The following NANS variants were observed in gnomAD, a reference collection of about 807,000 sequenced individuals.
NANS encodes N-acetylneuraminate synthase, also known as N-acetylneuraminate-9-phosphate synthase.
NANS carries 29 observed loss-of-function variants against 33.3 expected under a neutral mutation model. That is an observed-to-expected ratio of 0.87 (90% CI 0.65 to 1.19). The LOEUF is 1.19. Ranked by LOEUF, NANS falls within the 50% of genes most tolerant of loss-of-function variation. The pLI is 0.00. For synonymous variants in NANS, 163 were observed against 177.2 expected (o/e 0.92, Z 0.64); for missense variants, 394 against 461.1 (o/e 0.85, Z 1.33).
rs549193701 is a variant in NANS, at chr9:98,056,995, G to T, written c.132+55G>T. 2.0e-6 allele frequency: 3 copies of T among 1,501,664 alleles called. No individual in the cohort carries two copies. In the East Asian group the frequency reaches 7.5e-5, roughly 38 times the overall value. 93.0% of individuals were successfully genotyped at this position (1,501,664 alleles called of 1,614,324 possible). A position where few individuals can be genotyped will look rare whatever the true frequency, so the allele number is the denominator to read the frequency against. ...TCGGGCGCCGGGAGGGGCGGGGCGG[G>T]GCCGCGGGGAGCCAGGGCCACACGG... On this transcript the variant is annotated intron_variant, in intron 1 of 5. Coordinates refer to ENST00000210444, the MANE Select transcript of NANS (RefSeq NM_018946.4).
At chr9:98,070,266 T>C (rs138376947) in intron 2 of NANS, among the ~76,000 whole-genome samples, 58 of 152,094 alleles carry the variant, frequency 3.8e-4, no homozygotes, top group East Asian at 1.7e-3. Context: ...TACAGGTGTA[T>C]GCCACCATGC....
At chr9:98,067,790 C>T (rs1436558520) in intron 2 of NANS, among the ~76,000 whole-genome samples, 4 of 150,988 alleles carry the variant, frequency 2.6e-5, no homozygotes, top group East Asian at 2.0e-4. Context: ...GGTGCAATAT[C>T]GGCTCACTGC....
At chr9:98,071,777 A>G (rs1463514852) in intron 2 of NANS, among the ~76,000 whole-genome samples, 1 of 152,144 alleles carries the variant, frequency 6.6e-6, no homozygotes, top group East Asian at 1.9e-4. Context: ...ACCAGGGAAG[A>G]TGTCATCAAG....
intron 2 of NANS, among the ~76,000 whole-genome samples, chr9:98,072,746 T>C (rs1829399689): frequency 1.3e-5 from 2 of 152,156 alleles, no homozygotes; most frequent in South Asian, 4.1e-4. Flanking sequence ...CGAGAGTTAA[T>C]TTACCTTGCC....
rs768948108 is a variant in NANS, at chr9:98,081,146, A to G, written c.870+64A>G. 2.8e-5 allele frequency: 45 copies of G among 1,594,886 alleles called. No individual in the cohort carries two copies. The Middle Eastern group carries it at 1.0e-3, about 36-fold the overall frequency. ...TGTGGAAAAAGGATAGGCTGGCCTGAGAGGGATGGTCAGGACCAGCCCTCC... is the reference window on the plus strand; with the variant it reads ...TGTGGAAAAAGGATAGGCTGGCCTGGGAGGGATGGTCAGGACCAGCCCTCC... On this transcript the variant is annotated intron_variant, in intron 5 of 5. Transcript: ENST00000210444.
chr9:98,078,419 A>C (rs1041733236), intron 4 of NANS, 72 bp downstream of exon 4: 1 of 1,507,540 alleles, frequency 6.6e-7, no homozygotes, highest in Non-Finnish European at 9.0e-7. Flanking sequence ...TTTATAACCA[A>C]AATTCTAACA....
rs1216779109 is a variant in NANS at position 98,082,459 on chromosome 9, T to C, written c.871-387T>C. On this transcript the variant is annotated intron_variant, in intron 5 of 5. Transcript: ENST00000210444. ...AACCAAAAGAATCAGAGTTTGCATGTATTGAGAGCATTCTATGTTCCACGT... is the reference window on the plus strand; with the variant it reads ...AACCAAAAGAATCAGAGTTTGCATGCATTGAGAGCATTCTATGTTCCACGT... Among the ~76,000 whole-genome samples the C allele has an allele frequency of 2.0e-5, 3 of 152,216 alleles. No individual in the cohort carries two copies. The East Asian group carries it at 5.8e-4, about 29-fold the overall frequency.
Position 98,060,880 on chromosome 9 carries a change from G to A in NANS, c.231G>A (p.Trp77Ter). The change falls in exon 2 of 6, where the codon TGG becomes TGA. Residue 77 changes from tryptophan (W) to a stop codon, truncating the protein, a stop_gained. Coordinates refer to ENST00000210444, the MANE Select transcript of NANS (RefSeq NM_018946.4). LOFTEE classifies it high-confidence loss of function. The part of the protein sequence containing the change: ...LERPYTSKHS[W>*]GKTYGEHKRH... ...GGCCATACACCTCGAAGCATTCCTG[G>A]GGGAAGACGTACGGGGAGCACAAAC... 6.2e-7 allele frequency: 1 copy of A among 1,614,150 alleles called. No homozygotes were observed. Among genetic ancestry groups the A allele is most frequent in the Non-Finnish European group, 8.5e-7 (1 of 1,180,030 alleles).
At chr9:98,081,301 C>T (rs1213698881) in intron 5 of NANS, 2 of 629,134 alleles carry the variant, frequency 3.2e-6, no homozygotes, top group Non-Finnish European at 2.7e-6. Context: ...CTAACTTTAG[C>T]AGTTTCTCTG....
At chr9:98,062,922 AATTTT>A (rs777746488) in intron 2 of NANS, among the ~76,000 whole-genome samples, 8 of 151,466 alleles carry the variant, frequency 5.3e-5, no homozygotes, top group East Asian at 3.9e-4. Flanking sequence ...AAGTTTCTTC[AATTTT>A]ATTTTATTTT....
At chr9:98,079,518 C>G (rs1272439912) in intron 4 of NANS, among the ~76,000 whole-genome samples, 1 of 152,050 alleles carries the variant, frequency 6.6e-6, no homozygotes, top group Non-Finnish European at 1.5e-5. Context: ...CTCTTTTTAC[C>G]TAAACTTTCT....
intron 5 of NANS, chr9:98,081,615 G>A (rs1564166899): frequency 6.5e-6 from 1 of 153,082 alleles, no homozygotes; most frequent in Non-Finnish European, 1.5e-5. Context: ...GGAACTGGTG[G>A]GCCTAGAAGC....
At chr9:98,081,393 C>T in intron 5 of NANS, 1 of 323,750 alleles carries the variant, frequency 3.1e-6, no homozygotes, top group Non-Finnish European at 5.7e-6. Flanking sequence ...GAATATGTAA[C>T]AGGAGTGAGG....
chr9:98,060,909 A>G lies in NANS; in HGVS notation c.260A>G (p.His87Arg), dbSNP rs755697482. 8 of 1,614,172 alleles carry G rather than the reference A, an allele frequency of 5.0e-6. No individual in the cohort carries two copies. The South Asian group carries it at 8.8e-5, about 18-fold the overall frequency. Reference protein sequence around the residue: ...WGKTYGEHKRHLEFSHDQYRE... With the variant: ...WGKTYGEHKRRLEFSHDQYRE... ...AAGACGTACGGGGAGCACAAACGAC[A>G]TCTGGAGTTCAGCCATGACCAGTAC... The change falls in exon 2 of 6, where the codon CAT becomes CGT. Residue 87 changes from histidine to arginine, a missense_variant. Transcript: ENST00000210444.
At chr9:98,068,956 CCTT>C (rs904158946) in intron 2 of NANS, among the ~76,000 whole-genome samples, 3 of 152,092 alleles carry the variant, frequency 2.0e-5, no homozygotes, top group Non-Finnish European at 2.9e-5. Flanking sequence ...CAGTTTCATT[CCTT>C]CTTTTTTAAA....
intron 5 of NANS, chr9:98,081,419 A>C (rs1371686902): frequency 3.9e-6 from 1 of 255,080 alleles, no homozygotes; most frequent in Non-Finnish European, 7.5e-6. Flanking sequence ...GAATAAGTCA[A>C]GTCTGGGCTC....
At chr9:98,073,488 T>C (rs938611472) in intron 2 of NANS, among the ~76,000 whole-genome samples, 2 of 151,554 alleles carry the variant, frequency 1.3e-5, no homozygotes, top group African/African-American at 4.8e-5. Context: ...TTTCACCATG[T>C]TGGCCAGGCT....
chr9:98,073,957 TA>T lies in NANS; in HGVS notation c.349-2960del, dbSNP rs374970014. On this transcript the variant is annotated intron_variant, in intron 2 of 5. Coordinates refer to ENST00000210444, the MANE Select transcript of NANS (RefSeq NM_018946.4). ...ACACACCACACACCCGGCTAATTTT[TA>T]TATGTTTTGTAGAAACGGGATTTCG... is the stretch of plus-strand genomic sequence containing the variant. Among the ~76,000 whole-genome samples the T allele has an allele frequency of 3.3e-3, 500 of 152,128 alleles. 5 individuals are homozygous for T. The highest frequency in any genetic ancestry group is 0.011 in the African/African-American group (438 of 41,488).
At position 98,081,021 on chromosome 9, in the gene NANS, A is replaced by C; in HGVS notation, c.809A>C (p.Glu270Ala). 1 of 1,614,150 alleles carries C rather than the reference A, an allele frequency of 6.2e-7. No individual in the cohort carries two copies. Among genetic ancestry groups the C allele is most frequent in the Non-Finnish European group, 8.5e-7 (1 of 1,180,022 alleles). ...AELVRSVRLV[E>A]RALGSPTKQL... ...CTGGTGCGGTCAGTGCGTCTTGTGG[A>C]GCGTGCCCTGGGCTCCCCAACCAAG... The change falls in exon 5 of 6, where the codon GAG becomes GCG. Residue 270 changes from glutamate (E) to alanine (A), a missense_variant. Transcript: ENST00000210444.
Sources: allele counts gnomAD v4.1 joint callset (sites outside exome capture counted in the v4.1 genomes callset), GRCh38; gene constraint gnomAD v4.1.1; transcripts MANE v1.5; gene names NCBI Gene and HGNC (gene_info 2026-07-23, HGNC 2026-07-21).